RANBP2: variants seen among roughly 807,000 people sequenced by gnomAD.
RANBP2 encodes the protein E3 SUMO-protein ligase RanBP2.
Under a neutral mutation model 303.6 loss-of-function variants are expected in RANBP2, and 57 were observed. That is an observed-to-expected ratio of 0.19 (90% CI 0.15 to 0.23). The LOEUF (loss-of-function observed/expected upper bound fraction) is 0.23, where lower values mean the gene tolerates loss of function less well. Among genes scored for constraint, RANBP2 ranks in the 10% least tolerant of loss-of-function variants. The pLI is 1.00. For missense variants in RANBP2, 3,138 were observed against 3,780.8 expected (o/e 0.83, Z 4.46); for synonymous variants, 1,167 against 1,301.5 (o/e 0.90, Z 2.23).
the RANBP2 span, chr2:108,911,001 CGAT>C: frequency 6.2e-7 from 1 of 1,614,098 alleles, no homozygotes. Flanking sequence ...AGGACGATGG[CGAT>C]GGCCATGATG....
the RANBP2 span, among the ~76,000 whole-genome samples, chr2:109,528,769 G>A: frequency 3.9e-5 from 6 of 152,200 alleles, no homozygotes; most frequent in Non-Finnish European, 4.4e-5. Flanking sequence ...CACGACAAAG[G>A]GGGTTAAGGT....
chr2:109,248,365 A>G, the RANBP2 span, among the ~76,000 whole-genome samples: 1 of 152,048 alleles, frequency 6.6e-6, no homozygotes, highest in Admixed American at 6.5e-5. Flanking sequence ...TGAAAGTTTT[A>G]TGGTTTTGCC....
At chr2:109,670,994 C>A in the RANBP2 span, among the ~76,000 whole-genome samples, 1 of 152,174 alleles carries the variant, frequency 6.6e-6, no homozygotes, top group Admixed American at 6.5e-5. Flanking sequence ...CCAGCTTGGG[C>A]CAAAAGGAGA....
At chr2:109,585,055 G>A in the RANBP2 span, 2 of 844,122 alleles carry the variant, frequency 2.4e-6, no homozygotes, top group South Asian at 2.5e-5. Context: ...TCAAATCATA[G>A]TTCATGGGGC....
chr2:109,708,646 G>C, the RANBP2 span, among the ~76,000 whole-genome samples: 1 of 151,796 alleles, frequency 6.6e-6, no homozygotes, highest in Admixed American at 6.6e-5. Context: ...GTGAGACCCT[G>C]TCTCAAAATA....
the RANBP2 span, among the ~76,000 whole-genome samples, chr2:109,680,224 G>T: frequency 5.8e-4 from 87 of 150,744 alleles, 1 homozygote; most frequent in African/African-American, 2.1e-3. Context: ...ATGGTGGCGG[G>T]CACCTGTAGT....
At chr2:109,231,027 C>T in the RANBP2 span, among the ~76,000 whole-genome samples, 1 of 152,192 alleles carries the variant, frequency 6.6e-6, no homozygotes, top group Non-Finnish European at 1.5e-5. Flanking sequence ...TGTCACAGTT[C>T]CTGAATGTCA....
chr2:109,536,636 G>A, the RANBP2 span, among the ~76,000 whole-genome samples: 1 of 152,162 alleles, frequency 6.6e-6, no homozygotes, highest in Non-Finnish European at 1.5e-5. Flanking sequence ...AGACTTTGGG[G>A]CTGTTGGGAA....
At chr2:108,838,017 C>T in the RANBP2 span, among the ~76,000 whole-genome samples, 1 of 151,528 alleles carries the variant, frequency 6.6e-6, no homozygotes, top group Non-Finnish European at 1.5e-5. Context: ...TTGTGGTTTC[C>T]ACATGAAAGG....
the RANBP2 span, among the ~76,000 whole-genome samples, chr2:108,875,476 T>C: frequency 6.6e-6 from 1 of 152,118 alleles, no homozygotes; most frequent in African/African-American, 2.4e-5. Context: ...CAAAATAGGA[T>C]GATCAAATGT....
At chr2:109,313,941 A>G in the RANBP2 span, among the ~76,000 whole-genome samples, 2 of 152,114 alleles carry the variant, frequency 1.3e-5, no homozygotes, top group East Asian at 3.9e-4. Context: ...CCGTGTTTGG[A>G]CTTTGTTTTG....
chr2:109,482,598 G>A, the RANBP2 span, among the ~76,000 whole-genome samples: 1 of 152,172 alleles, frequency 6.6e-6, no homozygotes, highest in East Asian at 1.9e-4. Flanking sequence ...CCTAAGAGGG[G>A]GAGAGCAGTG....
chr2:109,415,910 C>G, the RANBP2 span, among the ~76,000 whole-genome samples: 2 of 152,096 alleles, frequency 1.3e-5, no homozygotes, highest in African/African-American at 4.8e-5. Context: ...GTCACAAGGG[C>G]AAGGCTGAAT....
chr2:109,653,288 G>A, the RANBP2 span, among the ~76,000 whole-genome samples: 3 of 151,974 alleles, frequency 2.0e-5, no homozygotes, highest in Non-Finnish European at 4.4e-5. Flanking sequence ...CCAACTGCTT[G>A]GGAGGCTGAG....
chr2:109,247,793 G>A, the RANBP2 span, among the ~76,000 whole-genome samples: 11 of 152,254 alleles, frequency 7.2e-5, no homozygotes, highest in East Asian at 1.9e-3. Flanking sequence ...TTAACTCACT[G>A]TTGTGTGTGT....
the RANBP2 span, among the ~76,000 whole-genome samples, chr2:108,987,901 G>A: frequency 6.6e-6 from 1 of 152,212 alleles, no homozygotes; most frequent in Non-Finnish European, 1.5e-5. Context: ...TATTAAGCCA[G>A]GCAAGAAACA....
the RANBP2 span, among the ~76,000 whole-genome samples, chr2:108,836,168 C>T: frequency 1.3e-5 from 2 of 152,144 alleles, no homozygotes; most frequent in African/African-American, 4.8e-5. Context: ...CTCCCCATTT[C>T]ACCTACCCCC....
chr2:109,582,594 T>C, the RANBP2 span, among the ~76,000 whole-genome samples: 1 of 152,208 alleles, frequency 6.6e-6, no homozygotes, highest in Admixed American at 6.5e-5. Context: ...GTGCTAGGAT[T>C]ACAGGCGTAA....
chr2:109,392,690 T>A, the RANBP2 span, among the ~76,000 whole-genome samples: 1 of 151,870 alleles, frequency 6.6e-6, no homozygotes, highest in Non-Finnish European at 1.5e-5. Flanking sequence ...GGCTAATTTT[T>A]TTTTTCAGTA....
Sources: gnomAD v4.1 joint callset for allele counts (sites outside exome capture counted in the v4.1 genomes callset) on GRCh38, gnomAD v4.1.1 for gene constraint, MANE v1.5 for transcripts, NCBI Gene and HGNC (gene_info 2026-07-23, HGNC 2026-07-21) for gene names.